KANSL1L: variants seen among roughly 807,000 people sequenced by gnomAD.
KANSL1L encodes the protein KAT8 regulatory NSL complex subunit 1-like protein.
A neutral mutation model predicts 108.6 loss-of-function variants in KANSL1L; 25 were observed. The ratio of observed to expected loss-of-function variants is 0.23; its 90% confidence interval spans 0.17 to 0.32. The LOEUF is 0.32. KANSL1L is among the 10% of genes least tolerant of loss of function. The probability of loss-of-function intolerance (pLI) is 1.00; values close to 1 mark genes in which losing one functional copy is unlikely to be tolerated. For synonymous variants in KANSL1L, 405 were observed against 395.1 expected (o/e 1.03, Z -0.30); for missense variants, 1,137 against 1,125.7 (o/e 1.01, Z -0.14).
intron 6 of KANSL1L, among the ~76,000 whole-genome samples, chr2:210,048,485 AT>A: frequency 6.6e-6 from 1 of 152,202 alleles, no homozygotes; most frequent in South Asian, 2.1e-4. Context: ...CTTAAAAAAA[AT>A]TAAACTTACT....
At chr2:210,074,206 T>C (rs2094526913) in intron 6 of KANSL1L, among the ~76,000 whole-genome samples, 1 of 152,156 alleles carries the variant, frequency 6.6e-6, no homozygotes, top group African/African-American at 2.4e-5. Context: ...TCTCCATCAC[T>C]TTTTTCATCT....
chr2:210,123,777 T>C (rs923588728), intron 3 of KANSL1L, among the ~76,000 whole-genome samples: 4 of 151,818 alleles, frequency 2.6e-5, no homozygotes, highest in African/African-American at 9.7e-5. Flanking sequence ...TCAAAATATC[T>C]CACGTACCCC....
rs532736629 is a variant in KANSL1L, at chr2:210,084,981, G to A, written c.1551-9225C>T. Among the ~76,000 whole-genome samples the A allele has an allele frequency of 2.8e-4, 42 of 152,112 alleles. No individual in the cohort carries two copies. The South Asian group carries it at 8.7e-3, about 32-fold the overall frequency. On this transcript the variant is annotated intron_variant, in intron 5 of 14. Transcript: ENST00000281772. ...TATTGAAAATAAAAGAGACTTAGGA[G>A]ACATAATAACCAAATGTAATTTATG...
At chr2:210,052,273 G>C (rs2094301770) in intron 6 of KANSL1L, among the ~76,000 whole-genome samples, 1 of 152,026 alleles carries the variant, frequency 6.6e-6, no homozygotes, top group Non-Finnish European at 1.5e-5. Context: ...AAAGTGCTGG[G>C]GTTACAGGCC....
Position 210,153,617 on chromosome 2 carries a change from T to A in KANSL1L, c.966A>T (p.Gln322His). The change falls in exon 2 of 15, where the codon CAA becomes CAT. Residue 322 changes from glutamine (Q) to histidine (H), a missense_variant. Gln to His is a conservative substitution (Grantham distance 24). This residue lies in a region of KANSL1L where 556 missense variants were observed against 537.7 expected (regional missense o/e 1.03). Coordinates refer to ENST00000281772, the MANE Select transcript of KANSL1L (RefSeq NM_152519.4). ...GCCCTGTAGCAGAAAATGCAAATCT[T>A]TGGATTTCCGCAGCTGTACACCGTG... ...GFARCTAAEI[Q>H]RFAFSATGLL... 3 of 1,613,766 alleles carry A rather than the reference T, an allele frequency of 1.9e-6. No individual in the cohort carries two copies. Among genetic ancestry groups the A allele is most frequent in the Non-Finnish European group, 2.5e-6 (3 of 1,179,924 alleles).
At chr2:210,045,883 A>C (rs527818949) in intron 6 of KANSL1L, among the ~76,000 whole-genome samples, 1 of 152,084 alleles carries the variant, frequency 6.6e-6, no homozygotes, top group South Asian at 2.1e-4. Flanking sequence ...CTGTGTCTTT[A>C]CTTTTTTAGC....
intron 3 of KANSL1L, among the ~76,000 whole-genome samples, chr2:210,105,446 T>A (rs981940652): frequency 6.7e-6 from 1 of 149,578 alleles, no homozygotes; most frequent in African/African-American, 2.4e-5. Context: ...ACACTCCTAA[T>A]GTGGCTAAAA....
intron 13 of KANSL1L, 55 bp from the exon 14 acceptor site, chr2:210,024,256 A>G: frequency 7.2e-7 from 1 of 1,393,376 alleles, no homozygotes; most frequent in Non-Finnish European, 9.7e-7. Flanking sequence ...GGTCTTGAAA[A>G]TTTATGAACA....
intron 4 of KANSL1L, among the ~76,000 whole-genome samples, chr2:210,102,212 C>T (rs554233313): frequency 2.6e-5 from 4 of 152,148 alleles, no homozygotes; most frequent in Non-Finnish European, 5.9e-5. Context: ...AGTCAGGTAG[C>T]GTACTGCCTC....
intron 2 of KANSL1L, 94 bp downstream of exon 2, chr2:210,153,401 T>C: frequency 1.0e-6 from 1 of 997,610 alleles, no homozygotes. Context: ...ATTAAGATTT[T>C]AGAAAATCTA....
chr2:210,137,405 C>G (rs2125575941), intron 2 of KANSL1L, among the ~76,000 whole-genome samples: 1 of 152,270 alleles, frequency 6.6e-6, no homozygotes, highest in Non-Finnish European at 1.5e-5. Context: ...AATCTGGAAA[C>G]AACCCACATT....
At chr2:210,108,358 G>A (rs1371098938) in intron 3 of KANSL1L, among the ~76,000 whole-genome samples, 3 of 152,074 alleles carry the variant, frequency 2.0e-5, no homozygotes, top group Non-Finnish European at 2.9e-5. Flanking sequence ...GTTATTACAG[G>A]GAAGTTTATA....
At chr2:210,106,437 T>C (rs937335522) in intron 3 of KANSL1L, among the ~76,000 whole-genome samples, 3 of 152,158 alleles carry the variant, frequency 2.0e-5, no homozygotes, top group Non-Finnish European at 4.4e-5. Context: ...GTACAAAGCC[T>C]GCTATAGTTA....
chr2:210,080,170 C>T (rs1417589890), intron 5 of KANSL1L: 1 of 152,158 alleles, frequency 6.6e-6, no homozygotes, highest in Non-Finnish European at 1.5e-5. Flanking sequence ...CACACACACA[C>T]ACACTGCTTA....
chr2:210,090,970 T>C (rs1299808588), intron 5 of KANSL1L, among the ~76,000 whole-genome samples: 1 of 152,234 alleles, frequency 6.6e-6, no homozygotes, highest in African/African-American at 2.4e-5. Context: ...AATTCACAAC[T>C]AATTTTCAGG....
In KANSL1L at chr2:210,027,353, G is replaced by A. The variant is rs767683715; in HGVS notation, c.2397-3C>T. ...GCTGAAGAACAACCATCCTCCAGCT[G>A]TTGAAGATAAAAACCAATTTTAAAC... is the stretch of plus-strand genomic sequence containing the variant. On this transcript the variant is annotated splice_polypyrimidine_tract_variant and splice_region_variant and intron_variant, in intron 11 of 14. Transcript: ENST00000281772. 4.0e-5 allele frequency: 64 copies of A among 1,611,142 alleles called. No individual in the cohort carries two copies. Among genetic ancestry groups the A allele is most frequent in the Non-Finnish European group, 5.4e-5 (64 of 1,177,510 alleles).
intron 2 of KANSL1L, among the ~76,000 whole-genome samples, chr2:210,144,787 A>C (rs992060581): frequency 6.6e-6 from 1 of 152,148 alleles, no homozygotes; most frequent in Non-Finnish European, 1.5e-5. Flanking sequence ...AATCATTTTG[A>C]ATTATCTGCC....
chr2:210,115,575 C>T (rs1421777616), intron 3 of KANSL1L, among the ~76,000 whole-genome samples: 1 of 152,078 alleles, frequency 6.6e-6, no homozygotes, highest in Non-Finnish European at 1.5e-5. Context: ...CTTGTGAGAA[C>T]AAGAGTAAAC....
At chr2:210,146,752 G>C (rs1338418574) in intron 2 of KANSL1L, among the ~76,000 whole-genome samples, 1 of 152,186 alleles carries the variant, frequency 6.6e-6, no homozygotes, top group Non-Finnish European at 1.5e-5. Flanking sequence ...GTGAAGAAGA[G>C]AGGATTGTGA....
Sources: gnomAD v4.1 joint callset for allele counts (sites outside exome capture counted in the v4.1 genomes callset) on GRCh38, gnomAD v4.1.1 for gene constraint, gnomAD v4.1.1 regional missense constraint, MANE v1.5 for transcripts, NCBI Gene and HGNC (gene_info 2026-07-23, HGNC 2026-07-21) for gene names.